Variants in NCAPD2 observed in about 807,000 individuals in gnomAD.
NCAPD2 encodes the protein condensin complex subunit 1.
NCAPD2 carries 100 observed loss-of-function variants against 164.5 expected under a neutral mutation model. The observed-to-expected ratio is 0.61, with a 90% CI of 0.52 to 0.72. The LOEUF (loss-of-function observed/expected upper bound fraction) is 0.72. Ranked by LOEUF, NCAPD2 falls within the 30% of genes least tolerant of loss-of-function variation. The probability of loss-of-function intolerance (pLI) is 0.00; values close to 1 mark genes in which losing one functional copy is unlikely to be tolerated. For synonymous variants in NCAPD2, 585 were observed against 642.6 expected, an observed-to-expected ratio of 0.91 and a Z score of 1.36; for missense variants, 1,560 against 1,749.2, an observed-to-expected ratio of 0.89 and a Z score of 1.93.
chr12:6,522,858 T>A lies in NCAPD2; in HGVS notation c.1985T>A (p.Met662Lys), dbSNP rs1175244374. ...VVQEVIEFFV[M>K]VFQFGVPQAL... Reference sequence around the variant, plus strand: ...CAGGAGGTGATTGAATTCTTTGTGATGGTCTTCCAATTTGGGGTACCCCAG... The same window carrying A: ...CAGGAGGTGATTGAATTCTTTGTGAAGGTCTTCCAATTTGGGGTACCCCAG... Residue 662 changes from methionine (M) to lysine (K), a missense_variant, in exon 16 of 32, where the codon ATG becomes AAG. Transcript: ENST00000315579. 2 of 1,614,062 alleles carry A rather than the reference T, an allele frequency of 1.2e-6. No homozygotes were observed. The highest frequency in any genetic ancestry group is 4.5e-5 in the East Asian group (2 of 44,892).
In NCAPD2 at chr12:6,529,518, T is replaced by A; in HGVS notation, c.3578T>A (p.Leu1193His). The A allele has an allele frequency of 6.2e-7, 1 of 1,614,000 alleles. No individual in the cohort carries two copies. Among genetic ancestry groups the A allele is most frequent in the Non-Finnish European group, 8.5e-7 (1 of 1,179,948 alleles). Reference sequence around the variant, plus strand: ...CTCATCTCCCCTTCCTGCAGACAGCTCCTCTCCTACATCACCAAGGACAAG... The same window carrying A: ...CTCATCTCCCCTTCCTGCAGACAGCACCTCTCCTACATCACCAAGGACAAG... ...EEPFHTIMKQ[L>H]LSYITKDKQT... Residue 1193 changes from leucine to histidine, a missense_variant, in exon 28 of 32, where the codon CTC (leucine) becomes CAC (histidine). Leu to His is a moderately conservative substitution (Grantham distance 99, BLOSUM62 -3). Coordinates refer to ENST00000315579, the MANE Select transcript of NCAPD2 (RefSeq NM_014865.4).
chr12:6,510,960 T>A, intron 5 of NCAPD2, 150 bp downstream of exon 5: 1 of 1,278,722 alleles, frequency 7.8e-7, no homozygotes, highest in Admixed American at 2.3e-5. Context: ...GTTTTCTTCC[T>A]GGACAAGTAG....
chr12:6,514,631 G>A (rs1272389492), intron 8 of NCAPD2, 44 bp downstream of exon 8: 1 of 1,612,990 alleles, frequency 6.2e-7, no homozygotes, highest in South Asian at 1.1e-5. Context: ...TTTTCCTTGG[G>A]GAGGGAATAA....
chr12:6,511,006 T>G (rs1337570076), intron 5 of NCAPD2, 104 bp from the exon 6 acceptor site: 1 of 1,360,044 alleles, frequency 7.4e-7, no homozygotes, highest in Non-Finnish European at 1.0e-6. Flanking sequence ...CCGTATTACC[T>G]TCTATGTTGT....
At chr12:6,522,314 G>A (rs577081121) in intron 15 of NCAPD2, among the ~76,000 whole-genome samples, 23 of 149,524 alleles carry the variant, frequency 1.5e-4, no homozygotes, top group African/African-American at 5.4e-4. Context: ...GGCTGGGCGC[G>A]ATGGCTCATG....
intron 13 of NCAPD2, among the ~76,000 whole-genome samples, chr12:6,520,686 G>A (rs904997460): frequency 1.3e-5 from 2 of 152,162 alleles, no homozygotes; most frequent in African/African-American, 4.8e-5. Flanking sequence ...GGTGTTTGGA[G>A]TAGGTTTATG....
At position 6,519,379 on chromosome 12, in the gene NCAPD2, C is replaced by T. The variant is rs924234990; in HGVS notation, c.1589+1420C>T. On this transcript the variant is annotated intron_variant, in intron 13 of 31. Transcript: ENST00000315579. ...GGATTGTTTGTTTTTGAGACAGAAT[C>T]TCACTGTTGCCCAGGCTGGAGTACA... is the stretch of plus-strand genomic sequence containing the variant. Among the ~76,000 whole-genome samples the T allele has an allele frequency of 2.0e-5, 3 of 151,168 alleles. No homozygotes were observed. In the South Asian group the frequency reaches 6.3e-4, roughly 32 times the overall value.
chr12:6,501,379 G>A (rs1376167110), intron 2 of NCAPD2, among the ~76,000 whole-genome samples: 1 of 151,850 alleles, frequency 6.6e-6, no homozygotes, highest in Admixed American at 6.6e-5. Context: ...GTAGAGATGC[G>A]GTTTTGCCGT....
At chr12:6,510,053 C>T in intron 3 of NCAPD2, 22 bp from the exon 4 acceptor site, 4 of 1,611,164 alleles carry the variant, frequency 2.5e-6, no homozygotes, top group Non-Finnish European at 3.4e-6. Flanking sequence ...TGTCTCACCC[C>T]CACACTTTCT....
Position 6,509,736 on chromosome 12 carries a change from A to C in NCAPD2, c.147A>C (p.Arg49=). The C allele has an allele frequency of 6.2e-7, 1 of 1,614,072 alleles. No homozygotes were observed. Among genetic ancestry groups the C allele is most frequent in the Non-Finnish European group, 8.5e-7 (1 of 1,180,006 alleles). The change falls in exon 3 of 32, where the codon CGA becomes CGC. Residue 49 remains arginine, a synonymous_variant. Coordinates refer to ENST00000315579, the MANE Select transcript of NCAPD2 (RefSeq NM_014865.4). ...TCATAGCTTTTCAGGCTGCCTTTCG[A>C]GCTCAGGGGCCCCTGGCTATGCTGC... ...PQLRAFQAAF[R]AQGPLAMLQH... is the part of the protein sequence containing the mutation.
intron 18 of NCAPD2, 95 bp downstream of exon 18, chr12:6,525,811 C>T: frequency 1.3e-6 from 2 of 1,504,950 alleles, no homozygotes; most frequent in South Asian, 1.2e-5. Context: ...CAGTGAGGCC[C>T]AACTGAGCTC....
chr12:6,528,163 T>C lies in NCAPD2; in HGVS notation c.3144-10T>C. 6.2e-7 allele frequency: 1 copy of C among 1,614,254 alleles called. No individual in the cohort carries two copies. The highest frequency in any genetic ancestry group is 1.1e-5 in the South Asian group (1 of 91,086). On this transcript the variant is annotated splice_polypyrimidine_tract_variant and intron_variant, in intron 24 of 31. Transcript: ENST00000315579. This position sits in a 1 kb window ranked among gnomAD's most constrained non-coding sequence, Gnocchi z 5.1. ...AATGGCTTCCCTAATGATCCTCTTC[T>C]TGCTCTTAGTGCCACTTTCTGCGAC...
intron 2 of NCAPD2, among the ~76,000 whole-genome samples, chr12:6,503,478 A>G (rs935686952): frequency 6.6e-6 from 1 of 152,002 alleles, no homozygotes; most frequent in Non-Finnish European, 1.5e-5. Flanking sequence ...TAGTATGAAT[A>G]TATCGGTGAG....
Position 6,511,177 on chromosome 12 carries a change from A to G in NCAPD2, c.512A>G (p.Gln171Arg). Reference protein sequence around the residue: ...DWEEERQPILQLLTQLLQLDI... With the variant: ...DWEEERQPILRLLTQLLQLDI... The stretch of plus-strand genomic sequence containing the variant: ...GAAGAAGAGAGGCAACCAATTCTTC[A>G]GCTTTTAACACAGCTACTTCAGTTG... The change falls in exon 6 of 32, where the codon CAG (glutamine) becomes CGG (arginine). Residue 171 changes from glutamine (Q) to arginine (R), a missense_variant. Gln to Arg is a conservative substitution (Grantham distance 43). Coordinates refer to ENST00000315579, the MANE Select transcript of NCAPD2 (RefSeq NM_014865.4). 6.2e-7 allele frequency: 1 copy of G among 1,614,216 alleles called. No individual in the cohort carries two copies. Among genetic ancestry groups the G allele is most frequent in the Non-Finnish European group, 8.5e-7 (1 of 1,180,032 alleles).
Position 6,511,104 on chromosome 12 carries a change from T to C in NCAPD2, c.445-6T>C. 6.2e-7 allele frequency: 1 copy of C among 1,613,610 alleles called. No homozygotes were observed. Among genetic ancestry groups the C allele is most frequent in the South Asian group, 1.1e-5 (1 of 91,008 alleles). On this transcript the variant is annotated splice_region_variant and splice_polypyrimidine_tract_variant and intron_variant, in intron 5 of 31. Coordinates refer to ENST00000315579, the MANE Select transcript of NCAPD2 (RefSeq NM_014865.4). ...TTTTCCTCAATGTATACATGATCCT[T>C]TTTAGGGTAAGAAAGCTCGGACCAA...
chr12:6,523,082 G>T, intron 16 of NCAPD2, 80 bp downstream of exon 16: 1 of 1,547,600 alleles, frequency 6.5e-7, no homozygotes, highest in South Asian at 1.1e-5. Flanking sequence ...TAAAGGAAGA[G>T]GTGCATTTCT....
chr12:6,501,226 A>AC, intron 2 of NCAPD2, among the ~76,000 whole-genome samples: 1 of 92,340 alleles, frequency 1.1e-5, no homozygotes, highest in Non-Finnish European at 2.0e-5. Flanking sequence ...ACGCCTGGCT[A>AC]ATTTTTTTTT....
At chr12:6,505,838 C>T (rs1477429320) in intron 2 of NCAPD2, among the ~76,000 whole-genome samples, 4 of 54,556 alleles carry the variant, frequency 7.3e-5, no homozygotes, top group Non-Finnish European at 1.2e-4. Flanking sequence ...ACACTCTAGC[C>T]TGGGTGACAG....
intron 15 of NCAPD2, 143 bp downstream of exon 15, chr12:6,522,180 T>G (rs1377015771): frequency 2.2e-6 from 2 of 896,412 alleles, no homozygotes; most frequent in Non-Finnish European, 3.3e-6. Context: ...GCAATTCTTC[T>G]GCGTCAGCCT....
Sources: gnomAD v4.1 joint callset for allele counts (sites outside exome capture counted in the v4.1 genomes callset) on GRCh38, gnomAD v4.1.1 for gene constraint, Gnocchi (gnomAD v3.1) non-coding constraint, MANE v1.5 for transcripts, NCBI Gene and HGNC (gene_info 2026-07-23, HGNC 2026-07-21) for gene names.